The following AMPD3 variants were observed in gnomAD, a reference collection of about 807,000 sequenced individuals.
AMPD3 encodes the protein adenosine monophosphate deaminase 3.
Under a neutral mutation model 82.3 loss-of-function variants are expected in AMPD3, and 57 were observed. That is an observed-to-expected ratio of 0.69 (90% CI 0.56 to 0.86). The LOEUF (loss-of-function observed/expected upper bound fraction) is 0.86. AMPD3 is among the 40% of genes least tolerant of loss of function. AMPD3 has a pLI of 0.00. For synonymous variants in AMPD3, 381 were observed against 394.7 expected (o/e 0.97, Z 0.41); for missense variants, 870 against 1,003.8 (o/e 0.87, Z 1.80).
chr11:10,495,288 G>A (rs1849360653), intron 8 of AMPD3: 1 of 985,340 alleles, frequency 1.0e-6, no homozygotes, highest in South Asian at 4.7e-5. Flanking sequence ...TGGCTTTCGT[G>A]TCTCTGCAGC....
At chr11:10,471,044 G>C (rs182405948) in intron 2 of AMPD3, among the ~76,000 whole-genome samples, 1 of 152,230 alleles carries the variant, frequency 6.6e-6, no homozygotes, top group Non-Finnish European at 1.5e-5. Context: ...GAGGCATCAC[G>C]CTACCTGACT....
At chr11:10,454,990 ATG>A (rs1436972143), upstream of AMPD3, 1 of 276,058 alleles carries the variant, frequency 3.6e-6, no homozygotes, top group Non-Finnish European at 5.5e-6. Flanking sequence ...CCCGAGGATC[ATG>A]TGTCAACCCT....
At chr11:10,476,462 A>G (rs1259112972) in intron 2 of AMPD3, among the ~76,000 whole-genome samples, 16 of 101,954 alleles carry the variant, frequency 1.6e-4, no homozygotes, top group African/African-American at 4.6e-4. Flanking sequence ...TTTGGGCTGT[A>G]GTGTTTTTTT....
chr11:10,492,916 G>T (rs927607557), intron 6 of AMPD3, among the ~76,000 whole-genome samples: 1 of 152,246 alleles, frequency 6.6e-6, no homozygotes, highest in African/African-American at 2.4e-5. Flanking sequence ...GCAAAGGGAT[G>T]CAGTGTACTG....
intron 11 of AMPD3, chr11:10,500,511 A>G (rs1296943456): frequency 9.1e-6 from 7 of 765,512 alleles, no homozygotes; most frequent in Non-Finnish European, 1.1e-5. Flanking sequence ...TACAGTATGC[A>G]ATGCAGCCAC....
In AMPD3 at chr11:10,504,145, T is replaced by G. The variant is rs968175443; in HGVS notation, c.2017-404T>G. 4.6e-6 allele frequency: 4 copies of G among 877,578 alleles called. No individual in the cohort carries two copies. The Admixed American group carries it at 1.9e-4, about 41-fold the overall frequency. The allele number at this position is 877,578 out of a possible 1,614,324, so 54.4% of individuals were successfully genotyped here. On this transcript the variant is annotated intron_variant, in intron 13 of 14. Coordinates refer to ENST00000396553, the MANE Select transcript of AMPD3 (RefSeq NM_001025389.2). ...ATCTATCTATCTATCTATCTATCTA[T>G]CTATTTATCTATCTATCATCTATCT...
At chr11:10,460,066 TATATATAATATATA>T (rs1262910192) in intron 1 of AMPD3, among the ~76,000 whole-genome samples, 23 of 143,970 alleles carry the variant, frequency 1.6e-4, no homozygotes, top group Middle Eastern at 3.6e-3. Context: ...TAATATATAT[TATATATAATATATA>T]TTTTATATAT....
At chr11:10,452,174 T>G (rs1182958074), upstream of AMPD3, among the ~76,000 whole-genome samples, 1 of 148,668 alleles carries the variant, frequency 6.7e-6, no homozygotes, top group Non-Finnish European at 1.5e-5. Flanking sequence ...AGATGAGGTT[T>G]TTTGTAGTTG....
At chr11:10,489,642 T>C (rs1849183115) in intron 6 of AMPD3, among the ~76,000 whole-genome samples, 1 of 151,666 alleles carries the variant, frequency 6.6e-6, no homozygotes, top group African/African-American at 2.4e-5. Flanking sequence ...GTCAGGTCTG[T>C]GCCCGCCCCT....
Position 10,500,096 on chromosome 11 carries a change from T to G in AMPD3, c.1568T>G (p.Phe523Cys). Residue 523 changes from phenylalanine to cysteine, a missense_variant, in exon 11 of 15, where the codon TTT becomes TGT. Transcript: ENST00000396553. ...LHLFLKYVTGFDSVDDESKHS... is the reference protein window; with the variant it reads ...LHLFLKYVTGCDSVDDESKHS... ...ACCTCTCCTGCCCAGGTGACGGGGT[T>G]TGACAGCGTGGATGATGAGTCCAAG... 1 of 1,614,140 alleles carries G rather than the reference T, an allele frequency of 6.2e-7. No homozygotes were observed. Among genetic ancestry groups the G allele is most frequent in the South Asian group, 1.1e-5 (1 of 91,080 alleles).
intron 2 of AMPD3, among the ~76,000 whole-genome samples, chr11:10,464,676 A>G (rs1848368822): frequency 6.6e-6 from 1 of 152,230 alleles, no homozygotes; most frequent in African/African-American, 2.4e-5. Context: ...GGGTCTGCCC[A>G]TACCCAATTT....
chr11:10,493,631 G>A lies in AMPD3; in HGVS notation c.1134+88G>A, dbSNP rs557772732. ...CTGGAAAGCCACCATGATTGTGCTTGCCGGGAGGTGCTACGGAAGCAGCTT... is the reference window on the plus strand; with the variant it reads ...CTGGAAAGCCACCATGATTGTGCTTACCGGGAGGTGCTACGGAAGCAGCTT... On this transcript the variant is annotated intron_variant, in intron 7 of 14. Transcript: ENST00000396553. 1.3e-4 allele frequency: 192 copies of A among 1,441,564 alleles called. No homozygotes were observed. The South Asian group carries it at 1.6e-3, about 12-fold the overall frequency. 89.3% of individuals were successfully genotyped at this position (1,441,564 alleles called of 1,614,324 possible).
At chr11:10,474,490 C>T (rs567765014) in intron 2 of AMPD3, among the ~76,000 whole-genome samples, 25 of 152,180 alleles carry the variant, frequency 1.6e-4, no homozygotes, top group Non-Finnish European at 2.6e-4. Flanking sequence ...TTCCCCAGAG[C>T]GGAGGAGGGC....
chr11:10,489,685 C>CTT lies in AMPD3; in HGVS notation c.939+2332_939+2333dup, dbSNP rs113988346. On this transcript the variant is annotated intron_variant, in intron 6 of 14. Transcript: ENST00000396553. ...GCCTACTTGATAGCACTCTGTCTCT[C>CTT]TTTTTTTTTTTTGAGATGAAGTTTT... Among the ~76,000 whole-genome samples the CTT allele has an allele frequency of 4.9e-3, 711 of 146,414 alleles. 8 individuals are homozygous for CTT. The highest frequency in any genetic ancestry group is 0.017 in the African/African-American group (666 of 40,100).
chr11:10,488,569 G>A (rs1329434364), intron 6 of AMPD3, among the ~76,000 whole-genome samples: 1 of 152,200 alleles, frequency 6.6e-6, no homozygotes, highest in Non-Finnish European at 1.5e-5. Context: ...GTTGTGGGGA[G>A]AGTAAGGCTG....
chr11:10,456,298 C>A lies in AMPD3; in HGVS notation c.-6+850C>A. 1 of 1,596,118 alleles carries A rather than the reference C, an allele frequency of 6.3e-7. No homozygotes were observed. Among genetic ancestry groups the A allele is most frequent in the Non-Finnish European group, 8.6e-7 (1 of 1,168,412 alleles). ...CCGGCAGACAGGACCCAGCCAGCTG[C>A]ACGCACGCACTGACTCAGCTGAGCC... On this transcript the variant is annotated intron_variant, in intron 1 of 14. Transcript: ENST00000396553. The surrounding 1 kb of genome is among the most constrained non-coding windows in gnomAD (Gnocchi z 4.3).
intron 6 of AMPD3, among the ~76,000 whole-genome samples, chr11:10,489,676 T>C (rs1849184439): frequency 2.0e-5 from 3 of 150,618 alleles, no homozygotes; most frequent in Non-Finnish European, 4.4e-5. Context: ...TTGATAGCAC[T>C]CTGTCTCTCT....
chr11:10,468,821 A>T (rs1848498264), intron 2 of AMPD3, among the ~76,000 whole-genome samples: 1 of 152,214 alleles, frequency 6.6e-6, no homozygotes, highest in Admixed American at 6.5e-5. Context: ...TCAAATTAGA[A>T]CTCAGGATTA....
chr11:10,461,540 G>T lies in AMPD3; in HGVS notation c.21G>T (p.Lys7Asn). 6.2e-7 allele frequency: 1 copy of T among 1,614,188 alleles called. No individual in the cohort carries two copies. Among genetic ancestry groups the T allele is most frequent in the Non-Finnish European group, 8.5e-7 (1 of 1,180,042 alleles). ...CTGAGATGCCGCGGCAGTTTCCCAA[G>T]CTGAACATCTCTGAAGTGGATGAGC... Reference protein sequence around the residue: MPRQFPKLNISEVDEQV... With the variant: MPRQFPNLNISEVDEQV... The change falls in exon 2 of 15, where the codon AAG becomes AAT. Residue 7 changes from lysine (K) to asparagine (N), a missense_variant. Transcript: ENST00000396553.
Sources: allele counts gnomAD v4.1 joint callset (sites outside exome capture counted in the v4.1 genomes callset), GRCh38; gene constraint gnomAD v4.1.1; non-coding constraint Gnocchi (gnomAD v3.1); transcripts MANE v1.5; gene names NCBI Gene and HGNC (gene_info 2026-07-23, HGNC 2026-07-21).